Variants in GRAMD1C observed in about 807,000 individuals in gnomAD.
GRAMD1C encodes protein Aster-C.
Under a neutral mutation model 97.8 loss-of-function variants are expected in GRAMD1C, and 89 were observed. The observed-to-expected ratio is 0.91, with a 90% CI of 0.77 to 1.09. The LOEUF (loss-of-function observed/expected upper bound fraction) is 1.09. Among genes scored for constraint, GRAMD1C ranks in the 50% least tolerant of loss-of-function variants. The pLI, the probability that GRAMD1C is intolerant of heterozygous loss-of-function variation, is 0.00. For missense variants in GRAMD1C, 740 were observed against 766.4 expected (o/e 0.97, Z 0.41); for synonymous variants, 256 against 267.0 (o/e 0.96, Z 0.40).
intron 10 of GRAMD1C, among the ~76,000 whole-genome samples, chr3:113,924,120 G>T: frequency 1.4e-5 from 2 of 146,662 alleles, no homozygotes. Flanking sequence ...TGGGGTCGGT[G>T]GTAATGTTCC....
rs772554430 is a variant in GRAMD1C, at chr3:113,940,314, T to C, written c.1877T>C (p.Val626Ala). ...NKDQAHRLKG[V>A]LRDSIVMLEQ... ...GATCAGGCCCATCGTTTAAAGGGAG[T>C]GCTCCGAGACTCCATAGTGATGCTT... The change falls in exon 17 of 18, where the codon GTG becomes GCG. Residue 626 changes from valine (V) to alanine (A), a missense_variant. Physicochemically the swap from Val to Ala is moderately conservative, Grantham distance 64. Coordinates refer to ENST00000358160, the MANE Select transcript of GRAMD1C (RefSeq NM_017577.5). 7.5e-6 allele frequency: 12 copies of C among 1,604,026 alleles called. No homozygotes were observed. The Admixed American group carries it at 1.7e-4, about 22-fold the overall frequency.
At chr3:113,838,737 T>C (rs1351737560), upstream of GRAMD1C, 2 of 388,238 alleles carry the variant, frequency 5.2e-6, no homozygotes, top group Non-Finnish European at 8.9e-6. Context: ...ACACCCATCG[T>C]CAGGAATCCT....
At chr3:113,829,877 C>T (rs1389006641) in intron 1 of GRAMD1C, among the ~76,000 whole-genome samples, 1 of 152,022 alleles carries the variant, frequency 6.6e-6, no homozygotes, top group Non-Finnish European at 1.5e-5. Context: ...TGGGGTAATA[C>T]CTGAGGTTCG....
In GRAMD1C at chr3:113,852,673, C is replaced by T. The variant is rs137942004; in HGVS notation, c.174+8024C>T. ...GAGTTGTAAGCCCATAAGCTAATGCCGAGGTACCCGTGAGGAATTTGCTCA... is the reference window on the plus strand; with the variant it reads ...GAGTTGTAAGCCCATAAGCTAATGCTGAGGTACCCGTGAGGAATTTGCTCA... On this transcript the variant is annotated intron_variant, in intron 2 of 17. Transcript: ENST00000358160. Among the ~76,000 whole-genome samples, 443 of 152,120 alleles carry T rather than the reference C, an allele frequency of 2.9e-3. 4 individuals are homozygous for T. Among genetic ancestry groups the T allele is most frequent in the African/African-American group, 0.01 (423 of 41,496 alleles).
intron 6 of GRAMD1C, among the ~76,000 whole-genome samples, chr3:113,886,528 T>C (rs2566973): frequency 0.79 from 120,167 of 151,914 alleles, 47,729 homozygotes; most frequent in Middle Eastern, 0.89. Context: ...CCTCTTTACT[T>C]TCCTTCTATT....
chr3:113,932,991 C>T (rs1470011408), intron 11 of GRAMD1C, among the ~76,000 whole-genome samples: 2 of 151,504 alleles, frequency 1.3e-5, no homozygotes, highest in Admixed American at 6.6e-5. Context: ...AAGTGATTCT[C>T]CTGCCTCAGC....
At chr3:113,924,693 G>A (rs1041925462) in intron 10 of GRAMD1C, among the ~76,000 whole-genome samples, 2 of 152,160 alleles carry the variant, frequency 1.3e-5, no homozygotes. Context: ...CTGATTGTGT[G>A]GTCGATTTTT....
At chr3:113,840,314 A>G (rs1709750944) in intron 1 of GRAMD1C, among the ~76,000 whole-genome samples, 1 of 152,154 alleles carries the variant, frequency 6.6e-6, no homozygotes, top group South Asian at 2.1e-4. Flanking sequence ...CAGGGAGAGC[A>G]AGGCAGGCCT....
At chr3:113,940,586 A>G (rs969346975) in intron 17 of GRAMD1C, among the ~76,000 whole-genome samples, 1 of 152,106 alleles carries the variant, frequency 6.6e-6, no homozygotes, top group Non-Finnish European at 1.5e-5. Flanking sequence ...TCTTTTTTCA[A>G]TTAGTAATAT....
Position 113,876,216 on chromosome 3 carries a change from C to A in GRAMD1C, c.415C>A (p.Arg139=). 1.2e-6 allele frequency: 2 copies of A among 1,601,606 alleles called. No individual in the cohort carries two copies. The highest frequency in any genetic ancestry group is 2.2e-5 in the South Asian group (2 of 90,410). Residue 139 remains arginine (R), a synonymous_variant, in exon 5 of 18, where the codon CGA becomes AGA. Coordinates refer to ENST00000358160, the MANE Select transcript of GRAMD1C (RefSeq NM_017577.5). ...CTTCATGACCAAGGAAAAAACTGCT[C>A]GACTCATCCCAAACGCTATCCAGAT... ...ITFMTKEKTA[R]LIPNAIQIVT... is the part of the protein sequence containing the mutation.
chr3:113,915,801 C>A lies in GRAMD1C; in HGVS notation c.1053C>A (p.Arg351=). 1 of 1,611,612 alleles carries A rather than the reference C, an allele frequency of 6.2e-7. No homozygotes were observed. Among genetic ancestry groups the A allele is most frequent in the Non-Finnish European group, 8.5e-7 (1 of 1,178,058 alleles). Residue 351 remains arginine (R), a synonymous_variant, in exon 10 of 18, where the codon CGC becomes CGA. Coordinates refer to ENST00000358160, the MANE Select transcript of GRAMD1C (RefSeq NM_017577.5). ...RMFELLFTSS[R]FMQKFASSRN... Reference sequence around the variant, plus strand: ...TTGAATTGCTCTTTACCAGTTCACGCTTTATGCAGAAATTTGCCAGTTCTA... The same window carrying A: ...TTGAATTGCTCTTTACCAGTTCACGATTTATGCAGAAATTTGCCAGTTCTA...
In GRAMD1C at chr3:113,904,176, G is replaced by A; in HGVS notation, c.693G>A (p.Glu231=). Residue 231 remains glutamate, a synonymous_variant, in exon 8 of 18, where the codon GAG becomes GAA. Transcript: ENST00000358160. ...GAAGCAGCTTGGATGACTCTGGGGA[G>A]AGAGATGAAAAATTATCCAAGTCAA... ...PGRSSLDDSG[E]RDEKLSKSIS... The A allele has an allele frequency of 5.0e-6, 8 of 1,608,828 alleles. No individual in the cohort carries two copies. The highest frequency in any genetic ancestry group is 6.8e-6 in the Non-Finnish European group (8 of 1,175,300).
chr3:113,891,512 A>G (rs991566205), intron 6 of GRAMD1C, among the ~76,000 whole-genome samples: 16 of 152,130 alleles, frequency 1.1e-4, no homozygotes, highest in African/African-American at 3.6e-4. Flanking sequence ...AACCCTCATA[A>G]AATATACAGC....
rs1364258620 is a variant in GRAMD1C at position 113,946,674 on chromosome 3, C to T, written c.*1196C>T. 1 of 152,180 alleles carries T rather than the reference C, an allele frequency of 6.6e-6. No homozygotes were observed. The highest frequency in any genetic ancestry group is 6.5e-5 in the Admixed American group (1 of 15,278). 9.4% of individuals were successfully genotyped at this position (152,180 alleles called of 1,614,324 possible). On this transcript the variant is annotated 3_prime_UTR_variant, in exon 18 of 18. Coordinates refer to ENST00000358160, the MANE Select transcript of GRAMD1C (RefSeq NM_017577.5). ...AAAAAATACATATCCATCTATCTATCTATATATAAACTGTGTATACATTCT... is the reference window on the plus strand; with the variant it reads ...AAAAAATACATATCCATCTATCTATTTATATATAAACTGTGTATACATTCT...
intron 2 of GRAMD1C, among the ~76,000 whole-genome samples, chr3:113,868,953 G>T (rs945101595): frequency 4.0e-5 from 6 of 151,820 alleles, no homozygotes; most frequent in Non-Finnish European, 7.4e-5. Context: ...ATTGGTACTG[G>T]ACCCTCACAC....
intron 10 of GRAMD1C, among the ~76,000 whole-genome samples, chr3:113,918,126 GATT>G (rs2107344770): frequency 6.6e-6 from 1 of 152,108 alleles, no homozygotes; most frequent in Admixed American, 6.5e-5. Flanking sequence ...ATTCTCCTGT[GATT>G]ATATTATGAG....
At chr3:113,850,804 A>T (rs1253309724) in intron 2 of GRAMD1C, 13 of 722,564 alleles carry the variant, frequency 1.8e-5, no homozygotes, top group South Asian at 1.5e-4. Context: ...TTATTTTTTT[A>T]ATTTTTATTT....
chr3:113,945,285 A>G, intron 17 of GRAMD1C, 113 bp from the exon 18 acceptor site: 2 of 669,884 alleles, frequency 3.0e-6, no homozygotes, highest in Admixed American at 2.8e-5. Flanking sequence ...TTTGGGCATC[A>G]GTATAAACAA....
intron 6 of GRAMD1C, among the ~76,000 whole-genome samples, chr3:113,890,421 C>T (rs1041193946): frequency 6.6e-6 from 1 of 152,180 alleles, no homozygotes. Flanking sequence ...ACTACAAGGG[C>T]GTGGAGCAAT....
Sources: allele counts gnomAD v4.1 joint callset (sites outside exome capture counted in the v4.1 genomes callset), GRCh38; gene constraint gnomAD v4.1.1; transcripts MANE v1.5; gene names NCBI Gene and HGNC (gene_info 2026-07-23, HGNC 2026-07-21).